The following GMDS variants were observed in gnomAD, a reference collection of about 807,000 sequenced individuals.
GMDS encodes GDP-mannose 4,6-dehydratase, also known as GDP-mannose 4,6 dehydratase.
In GMDS, 20 loss-of-function variants were observed where a neutral mutation model predicts 49.9. The observed-to-expected ratio is 0.40, with a 90% CI of 0.28 to 0.58. GMDS has a LOEUF of 0.58. Among genes scored for constraint, GMDS ranks in the 20% least tolerant of loss-of-function variants. GMDS has a pLI of 0.42. For synonymous variants in GMDS, 177 were observed against 178.6 expected (o/e 0.99, Z 0.07); for missense variants, 362 against 481.4 (o/e 0.75, Z 2.32).
At chr6:2,241,632 GTTA>G (rs1319032264) in intron 1 of GMDS, among the ~76,000 whole-genome samples, 7 of 152,234 alleles carry the variant, frequency 4.6e-5, no homozygotes, top group Admixed American at 2.0e-4. Flanking sequence ...AGAGCCGGTT[GTTA>G]AAAAGAGCCT....
intron 9 of GMDS, among the ~76,000 whole-genome samples, chr6:1,719,569 T>G (rs1766294971): frequency 6.6e-6 from 1 of 152,020 alleles, no homozygotes; most frequent in African/African-American, 2.4e-5. Context: ...ATTGCTGTTA[T>G]TTTGGAAGAT....
chr6:1,836,058 AG>A lies in GMDS; in HGVS notation c.772-93473del, dbSNP rs976169375. On this transcript the variant is annotated intron_variant, in intron 7 of 10. Transcript: ENST00000380815. This position sits in a 1 kb window ranked among gnomAD's most constrained non-coding sequence, Gnocchi z 4.2. ...AATTTTTTGGATTTTTAGTAGAGAC[AG>A]GGTTTCACCATGTTAGCCAGGATGG... Among the ~76,000 whole-genome samples the A allele has an allele frequency of 3.9e-5, 6 of 151,996 alleles. No homozygotes were observed. Among genetic ancestry groups the A allele is most frequent in the African/African-American group, 1.4e-4 (6 of 41,384 alleles).
chr6:1,624,854 T>A lies in GMDS; in HGVS notation c.988-314A>T, dbSNP rs1345405083. 100 of 200,038 alleles carry A rather than the reference T, an allele frequency of 5.0e-4. 1 individual carries two copies. The highest frequency in any genetic ancestry group is 1.9e-3 in the African/African-American group (37 of 19,314). The allele number at this position is 200,038 out of a possible 1,614,324, so 12.4% of individuals were successfully genotyped here. A position where few individuals can be genotyped will look rare whatever the true frequency, so the allele number is the denominator to read the frequency against. ...TTTTTTTTTTTTTTTTTTTTTTTTT[T>A]ATAACATGAAGTTGTCAGGGACGCT... is the stretch of plus-strand genomic sequence containing the variant. On this transcript the variant is annotated intron_variant, in intron 9 of 10. Coordinates refer to ENST00000380815, the MANE Select transcript of GMDS (RefSeq NM_001500.4).
At chr6:2,066,584 G>A (rs1213196183) in intron 4 of GMDS, among the ~76,000 whole-genome samples, 6 of 151,188 alleles carry the variant, frequency 4.0e-5, no homozygotes, top group African/African-American at 7.3e-5. Context: ...CCAAGCAAAT[G>A]GAAAACAAAA....
intron 4 of GMDS, among the ~76,000 whole-genome samples, chr6:1,999,969 ATTATATATATATTTT>A (rs1766604040): frequency 9.2e-5 from 1 of 10,890 alleles, no homozygotes; most frequent in Non-Finnish European, 1.9e-4. Flanking sequence ...TTATATATAT[ATTATATATATATTTT>A]ATATATATAT....
At chr6:1,997,492 A>G (rs1183788635) in intron 4 of GMDS, among the ~76,000 whole-genome samples, 2 of 132,748 alleles carry the variant, frequency 1.5e-5, no homozygotes, top group Non-Finnish European at 3.1e-5. Context: ...TGGGAGACAG[A>G]GTGAGACTCT....
chr6:1,961,944 T>C (rs1424978255), intron 4 of GMDS, among the ~76,000 whole-genome samples: 4 of 152,252 alleles, frequency 2.6e-5, no homozygotes, highest in African/African-American at 9.6e-5. Flanking sequence ...TCATGTCATT[T>C]AGGCCTGTGA....
At chr6:1,991,717 G>C (rs1479199933) in intron 4 of GMDS, among the ~76,000 whole-genome samples, 1 of 152,182 alleles carries the variant, frequency 6.6e-6, no homozygotes, top group Non-Finnish European at 1.5e-5. Context: ...GGATTGAACA[G>C]TGTCCCCCCA....
chr6:2,182,531 C>T (rs1039226784), intron 1 of GMDS, among the ~76,000 whole-genome samples: 10 of 152,164 alleles, frequency 6.6e-5, no homozygotes, highest in Non-Finnish European at 1.5e-4. Flanking sequence ...AATCAGCTGA[C>T]TTATGTGAGC....
chr6:1,971,382 C>T (rs1263174555), intron 4 of GMDS, among the ~76,000 whole-genome samples: 2 of 152,152 alleles, frequency 1.3e-5, no homozygotes, highest in Non-Finnish European at 2.9e-5. Flanking sequence ...TATTCTGTTG[C>T]AATTATATTT....
intron 1 of GMDS, among the ~76,000 whole-genome samples, chr6:2,244,733 C>T (rs1018293491): frequency 1.1e-4 from 16 of 152,132 alleles, no homozygotes; most frequent in African/African-American, 3.1e-4. Flanking sequence ...CAGAAGTTGG[C>T]GTGATTTTAA....
intron 9 of GMDS, among the ~76,000 whole-genome samples, chr6:1,642,153 CTTTT>C (rs543577735): frequency 9.1e-4 from 101 of 110,776 alleles, no homozygotes; most frequent in South Asian, 2.8e-3. Flanking sequence ...CAGTTTCCAT[CTTTT>C]TTTTTTTTTT....
intron 1 of GMDS, among the ~76,000 whole-genome samples, chr6:2,183,787 C>A (rs759701458): frequency 6.6e-5 from 10 of 152,114 alleles, no homozygotes; most frequent in Non-Finnish European, 1.0e-4. Context: ...CAACCACCAC[C>A]CTGATCAGTC....
At chr6:1,675,964 G>A (rs577410818) in intron 9 of GMDS, among the ~76,000 whole-genome samples, 1 of 152,014 alleles carries the variant, frequency 6.6e-6, no homozygotes, top group South Asian at 2.1e-4. Flanking sequence ...AAATCTAGAA[G>A]AAATGGATAC....
rs1756943992 is a variant in GMDS, at chr6:1,836,679, T to C, written c.771+93424A>G. 6.6e-6 allele frequency among the ~76,000 whole-genome samples: 1 copy of C among 152,240 alleles called. No individual in the cohort carries two copies. The highest frequency in any genetic ancestry group is 6.5e-5 in the Admixed American group (1 of 15,280). ...CTGATGAACTGGTTACATTAACATG[T>C]GTTTCTTCACTGAATTTCGTATGGT... is the stretch of plus-strand genomic sequence containing the variant. On this transcript the variant is annotated intron_variant, in intron 7 of 10. Coordinates refer to ENST00000380815, the MANE Select transcript of GMDS (RefSeq NM_001500.4). This position sits in a 1 kb window ranked among gnomAD's most constrained non-coding sequence, Gnocchi z 4.2.
At chr6:2,238,534 T>C (rs1781474944) in intron 1 of GMDS, among the ~76,000 whole-genome samples, 1 of 152,196 alleles carries the variant, frequency 6.6e-6, no homozygotes, top group African/African-American at 2.4e-5. Context: ...CCTAACTGCA[T>C]TCCCAAGCAC....
At chr6:2,127,695 G>T (rs1251919557) in intron 1 of GMDS, among the ~76,000 whole-genome samples, 1 of 152,224 alleles carries the variant, frequency 6.6e-6, no homozygotes, top group African/African-American at 2.4e-5. Context: ...CTGGTCCCCA[G>T]CCCAGGGGGC....
intron 9 of GMDS, among the ~76,000 whole-genome samples, chr6:1,693,398 C>T (rs967833279): frequency 3.3e-5 from 5 of 152,246 alleles, no homozygotes; most frequent in Admixed American, 2.0e-4. Flanking sequence ...ACTCTGTCCT[C>T]TAAGCTTAGG....
chr6:1,748,531 C>A (rs1216827331), intron 7 of GMDS, among the ~76,000 whole-genome samples: 1 of 152,090 alleles, frequency 6.6e-6, no homozygotes, highest in Admixed American at 6.5e-5. Flanking sequence ...CTCTTCCATA[C>A]TTTTCCTGTT....
Sources: gnomAD v4.1 joint callset for allele counts (sites outside exome capture counted in the v4.1 genomes callset) on GRCh38, gnomAD v4.1.1 for gene constraint, Gnocchi (gnomAD v3.1) non-coding constraint, MANE v1.5 for transcripts, NCBI Gene and HGNC (gene_info 2026-07-23, HGNC 2026-07-21) for gene names.